Variants in CCDC60 observed in about 807,000 individuals in gnomAD.
CCDC60 encodes the protein coiled-coil domain-containing protein 60.
A neutral mutation model predicts 63.5 loss-of-function variants in CCDC60; 54 were observed. The ratio of observed to expected loss-of-function variants is 0.85; its 90% confidence interval spans 0.68 to 1.07. The LOEUF (loss-of-function observed/expected upper bound fraction) is 1.07. Among genes scored for constraint, CCDC60 ranks in the 50% least tolerant of loss-of-function variants. The probability of loss-of-function intolerance (pLI) is 0.00; values close to 1 mark genes in which losing one functional copy is unlikely to be tolerated. For missense variants in CCDC60, 651 were observed against 684.3 expected (o/e 0.95, Z 0.54); for synonymous variants, 206 against 238.8 (o/e 0.86, Z 1.27).
chr12:119,376,276 C>T (rs895056525), intron 1 of CCDC60, among the ~76,000 whole-genome samples: 1 of 152,192 alleles, frequency 6.6e-6, no homozygotes, highest in South Asian at 2.1e-4. Flanking sequence ...TCCTTGATCA[C>T]TTTGATCCCT....
intron 2 of CCDC60, among the ~76,000 whole-genome samples, chr12:119,453,825 A>C (rs139997994): frequency 1.3e-5 from 2 of 152,082 alleles, no homozygotes; most frequent in African/African-American, 4.8e-5. Flanking sequence ...GAGGAGAAGG[A>C]AGAGGAAGAG....
chr12:119,370,385 G>C (rs1955885413), intron 1 of CCDC60, among the ~76,000 whole-genome samples: 1 of 152,202 alleles, frequency 6.6e-6, no homozygotes, highest in Non-Finnish European at 1.5e-5. Context: ...ACTTAGGCTT[G>C]GGAATAGATC....
chr12:119,501,531 G>A (rs1273467341), intron 6 of CCDC60, among the ~76,000 whole-genome samples: 1 of 152,068 alleles, frequency 6.6e-6, no homozygotes, highest in Non-Finnish European at 1.5e-5. Context: ...TCCAATGCCT[G>A]GTCTTCCTGA....
At chr12:119,469,474 G>A (rs1349768398) in intron 2 of CCDC60, among the ~76,000 whole-genome samples, 1 of 152,108 alleles carries the variant, frequency 6.6e-6, no homozygotes, top group Non-Finnish European at 1.5e-5. Context: ...TGGCCAGGCT[G>A]GTCTCAAACT....
chr12:119,506,438 CAAA>C (rs35584778), intron 7 of CCDC60, among the ~76,000 whole-genome samples: 3,972 of 87,308 alleles, frequency 0.045, 92 homozygotes, highest in African/African-American at 0.1. Context: ...CCTCATCTCT[CAAA>C]AAAAAAAAAA....
chr12:119,378,525 A>G (rs562665147), intron 1 of CCDC60, among the ~76,000 whole-genome samples: 1 of 152,320 alleles, frequency 6.6e-6, no homozygotes, highest in East Asian at 1.9e-4. Context: ...CAGCAACATC[A>G]TGAGGGCCAG....
chr12:119,400,709 C>T (rs1000018659), intron 1 of CCDC60, among the ~76,000 whole-genome samples: 12 of 152,234 alleles, frequency 7.9e-5, no homozygotes, highest in Admixed American at 5.9e-4. Context: ...CATGAATTTG[C>T]AGGCGTAATA....
intron 10 of CCDC60, 25 bp from the exon 11 acceptor site, chr12:119,523,668 A>C: frequency 6.2e-7 from 1 of 1,613,130 alleles, no homozygotes; most frequent in Non-Finnish European, 8.5e-7. Flanking sequence ...TCCATTCCCC[A>C]AGCCCTTCTT....
intron 5 of CCDC60, among the ~76,000 whole-genome samples, chr12:119,489,754 A>G (rs998695817): frequency 6.6e-6 from 1 of 151,636 alleles, no homozygotes; most frequent in Non-Finnish European, 1.5e-5. Flanking sequence ...ATGCCCTCCC[A>G]TAGTCCTGCC....
intron 13 of CCDC60, 118 bp downstream of exon 13, chr12:119,531,181 A>C: frequency 9.2e-5 from 76 of 823,740 alleles, no homozygotes; most frequent in East Asian, 1.8e-4. Flanking sequence ...TATGGAGCTC[A>C]TATTCTAATA....
At chr12:119,447,942 T>A (rs1259091817) in intron 2 of CCDC60, 1 of 150,404 alleles carries the variant, frequency 6.6e-6, no homozygotes, top group Non-Finnish European at 1.5e-5. Context: ...GGCTACTGAG[T>A]CTAATAGAGG....
At chr12:119,360,633 T>C (rs1403049504) in intron 1 of CCDC60, among the ~76,000 whole-genome samples, 1 of 146,114 alleles carries the variant, frequency 6.8e-6, no homozygotes, top group Non-Finnish European at 1.5e-5. Context: ...GGCAGAGGCG[T>C]TCCCCACATC....
At position 119,531,063 on chromosome 12, in the gene CCDC60, G is replaced by A. The variant is rs1463506186; in HGVS notation, c.1551G>A (p.Glu517=). 1.9e-6 allele frequency: 3 copies of A among 1,612,712 alleles called. No homozygotes were observed. Among genetic ancestry groups the A allele is most frequent in the Non-Finnish European group, 2.5e-6 (3 of 1,179,146 alleles). ...CCCCTGACATCGCTGTGGCTATTGA[G>A]GTAAACACCACCTCCTTCCCCTCCA... ...LCSPDIAVAI[E]FVREHIIHMP... Residue 517 remains glutamate (E), a splice_region_variant and synonymous_variant, in exon 13 of 14, where the codon GAG becomes GAA. Transcript: ENST00000327554.
At chr12:119,422,349 T>A (rs1956828473) in intron 1 of CCDC60, among the ~76,000 whole-genome samples, 1 of 152,164 alleles carries the variant, frequency 6.6e-6, no homozygotes, top group Non-Finnish European at 1.5e-5. Context: ...ATTAGTCCAT[T>A]CTCACACTGC....
At chr12:119,524,762 A>T (rs1952640732) in intron 11 of CCDC60, among the ~76,000 whole-genome samples, 1 of 105,640 alleles carries the variant, frequency 9.5e-6, no homozygotes, top group Admixed American at 1.2e-4. Flanking sequence ...TTGCTCTGTT[A>T]CCCAGGCTGG....
chr12:119,475,627 G>C (rs540419740), intron 3 of CCDC60, among the ~76,000 whole-genome samples: 8 of 152,240 alleles, frequency 5.3e-5, no homozygotes, highest in Admixed American at 4.6e-4. Context: ...ACCCAGACAG[G>C]GTAGTAGTGG....
At chr12:119,385,884 T>C (rs1014783256) in intron 1 of CCDC60, among the ~76,000 whole-genome samples, 2 of 152,184 alleles carry the variant, frequency 1.3e-5, no homozygotes, top group East Asian at 1.9e-4. Flanking sequence ...CACCATCCCT[T>C]GTAGGGGGAT....
chr12:119,519,451 G>GTA (rs754766528), intron 8 of CCDC60, among the ~76,000 whole-genome samples: 20,473 of 125,888 alleles, frequency 0.16, 1,968 homozygotes, highest in Admixed American at 0.21. Flanking sequence ...GTGTGTGTGT[G>GTA]TATATATATA....
At chr12:119,386,631 C>CATGG (rs1956065763) in intron 1 of CCDC60, among the ~76,000 whole-genome samples, 1 of 152,150 alleles carries the variant, frequency 6.6e-6, no homozygotes, top group Non-Finnish European at 1.5e-5. Context: ...CAGGTGGCAG[C>CATGG]ATTCCAGCCT....
Sources: allele counts gnomAD v4.1 joint callset (sites outside exome capture counted in the v4.1 genomes callset), GRCh38; gene constraint gnomAD v4.1.1; transcripts MANE v1.5; gene names NCBI Gene and HGNC (gene_info 2026-07-23, HGNC 2026-07-21).